NNMT: variants seen among roughly 807,000 people sequenced by gnomAD.
NNMT encodes nicotinamide N-methyltransferase.
In NNMT, 10 loss-of-function variants were observed where a neutral mutation model predicts 11.7. The ratio of observed to expected loss-of-function variants is 0.85; its 90% CI spans 0.53 to 1.45. The LOEUF (loss-of-function observed/expected upper bound fraction) is 1.45, where lower values mean the gene tolerates loss of function less well. Ranked by LOEUF, NNMT falls within the 40% of genes most tolerant of loss-of-function variation. The pLI, the probability that NNMT is intolerant of heterozygous loss-of-function variation, is 0.00. For missense variants in NNMT, 381 were observed against 319.4 expected (o/e 1.19, Z -1.47); for synonymous variants, 143 against 133.8 (o/e 1.07, Z -0.48).
chr11:114,299,371 T>C (rs1357496608), intron 2 of NNMT, among the ~76,000 whole-genome samples: 3 of 152,238 alleles, frequency 2.0e-5, no homozygotes, highest in Non-Finnish European at 4.4e-5. Flanking sequence ...GATGGTCTTA[T>C]GATTTTCCTC....
chr11:114,302,768 AC>A (rs1179417270), intron 2 of NNMT, among the ~76,000 whole-genome samples: 8 of 151,970 alleles, frequency 5.3e-5, no homozygotes, highest in African/African-American at 7.3e-5. Flanking sequence ...TGAAATCCTA[AC>A]CCCCTTATGA....
intron 1 of NNMT, among the ~76,000 whole-genome samples, chr11:114,258,696 TGAG>T (rs1028705680): frequency 1.3e-5 from 2 of 152,316 alleles, no homozygotes. Context: ...CTCAGTACTC[TGAG>T]GATGGAATTC....
At chr11:114,305,338 C>T (rs1358996376) in intron 2 of NNMT, among the ~76,000 whole-genome samples, 3 of 104,244 alleles carry the variant, frequency 2.9e-5, no homozygotes, top group Non-Finnish European at 7.0e-5. Context: ...AGAGTGGCTC[C>T]TCCTTTTTTT....
At chr11:114,290,311 A>G (rs1195247352) in intron 2 of NNMT, among the ~76,000 whole-genome samples, 1 of 152,074 alleles carries the variant, frequency 6.6e-6, no homozygotes, top group Non-Finnish European at 1.5e-5. Context: ...TACGCTTTGT[A>G]TTTGTCCTTA....
chr11:114,296,752 T>C, intron 1 of NNMT, 42 bp downstream of exon 1: 12 of 1,602,006 alleles, frequency 7.5e-6, no homozygotes, highest in Non-Finnish European at 1.0e-5. Flanking sequence ...ATGTGAGTCA[T>C]ATAGATGGAG....
chr11:114,312,414 C>T lies in NNMT; in HGVS notation c.732C>T (p.Ser244=), dbSNP rs779939045. The change falls in exon 3 of 3, where the codon TCC becomes TCT. Residue 244 remains serine, a synonymous_variant. Coordinates refer to ENST00000299964, the MANE Select transcript of NNMT (RefSeq NM_006169.3). ...AGGTGATCTCGCAAAGTTATTCTTCCACCATGGCCAACAACGAAGGACTTT... is the reference window on the plus strand; with the variant it reads ...AGGTGATCTCGCAAAGTTATTCTTCTACCATGGCCAACAACGAAGGACTTT... ...WFEVISQSYS[S]TMANNEGLFS... The T allele has an allele frequency of 2.5e-6, 4 of 1,614,104 alleles. No homozygotes were observed. The highest frequency in any genetic ancestry group is 2.2e-5 in the South Asian group (2 of 91,082).
rs200433127 is a variant in NNMT, at chr11:114,312,189, C to T, written c.507C>T (p.Ala169=). The change falls in exon 3 of 3, where the codon GCC becomes GCT. Residue 169 remains alanine, a synonymous_variant. Coordinates refer to ENST00000299964, the MANE Select transcript of NNMT (RefSeq NM_006169.3). ...TCAGCACACTGTGTCTGGATGCCGC[C>T]TGCCCAGACCTCCCCACCTACTGCA... ...CVLSTLCLDA[A]CPDLPTYCRA... 3.1e-4 allele frequency: 499 copies of T among 1,614,236 alleles called. No homozygotes were observed. Among genetic ancestry groups the T allele is most frequent in the Non-Finnish European group, 3.6e-4 (425 of 1,180,032 alleles).
At position 114,312,054 on chromosome 11, in the gene NNMT, T is replaced by C. The variant is rs1351513215; in HGVS notation, c.372T>C (p.Gly124=). 3.2e-6 allele frequency: 5 copies of C among 1,572,470 alleles called. No homozygotes were observed. Among genetic ancestry groups the C allele is most frequent in the Non-Finnish European group, 4.3e-6 (5 of 1,155,174 alleles). Residue 124 remains glycine (G), a synonymous_variant, in exon 3 of 3, where the codon GGT becomes GGC. Coordinates refer to ENST00000299964, the MANE Select transcript of NNMT (RefSeq NM_006169.3). Reference sequence around the variant, plus strand: ...GGTTTGTGTTTTTCAGAGTCAAGGGTCCAGAGAAGGAGGAGAAGTTGAGAC... The same window carrying C: ...GGTTTGTGTTTTTCAGAGTCAAGGGCCCAGAGAAGGAGGAGAAGTTGAGAC... The part of the protein sequence containing the change: ...VCDLEGNRVK[G]PEKEEKLRQA...
chr11:114,286,558 T>C (rs549728364), intron 2 of NNMT, among the ~76,000 whole-genome samples: 1 of 152,338 alleles, frequency 6.6e-6, no homozygotes, highest in South Asian at 2.1e-4. Context: ...ACTTTATAGA[T>C]TGAATAAAAA....
chr11:114,259,629 C>T (rs1412048904), intron 1 of NNMT, among the ~76,000 whole-genome samples: 2 of 152,188 alleles, frequency 1.3e-5, no homozygotes, highest in African/African-American at 2.4e-5. Flanking sequence ...CACTTCCACT[C>T]GTGGGCTGGC....
intron 1 of NNMT, among the ~76,000 whole-genome samples, chr11:114,258,065 C>T (rs1028635975): frequency 8.5e-4 from 130 of 152,322 alleles, no homozygotes; most frequent in Non-Finnish European, 1.3e-3. Flanking sequence ...GGCCCCACTG[C>T]CGCCCCCTGC....
chr11:114,293,585 G>A (rs757056906), upstream of NNMT, among the ~76,000 whole-genome samples: 3 of 144,646 alleles, frequency 2.1e-5, no homozygotes, highest in Non-Finnish European at 4.5e-5. Context: ...TCTCAACTAC[G>A]AGATATGATC....
intron 2 of NNMT, among the ~76,000 whole-genome samples, chr11:114,307,505 C>T (rs773665598): frequency 5.9e-5 from 9 of 152,184 alleles, no homozygotes; most frequent in Non-Finnish European, 1.3e-4. Flanking sequence ...CACTTCCACT[C>T]TTGCCCCTCC....
chr11:114,268,368 C>G lies in NNMT; in HGVS notation c.-130+5434C>G, dbSNP rs138883899. 2.6e-3 allele frequency among the ~76,000 whole-genome samples: 391 copies of G among 152,284 alleles called. 2 individuals are homozygous for G. The highest frequency in any genetic ancestry group is 8.8e-3 in the African/African-American group (364 of 41,582). ...CTCCCACTTGTTCACAGAGTTCCCT[C>G]TTTATCTTGCATCCTCTGGAGCTTG... On this transcript the variant is annotated intron_variant, in intron 2 of 4. Transcript: ENST00000535401.
At chr11:114,272,516 C>T (rs1945177520) in intron 2 of NNMT, among the ~76,000 whole-genome samples, 1 of 152,168 alleles carries the variant, frequency 6.6e-6, no homozygotes, top group Non-Finnish European at 1.5e-5. Context: ...ATTTTAGTTC[C>T]ACTTGATACA....
chr11:114,272,799 G>C (rs900878822), intron 2 of NNMT, among the ~76,000 whole-genome samples: 51 of 152,184 alleles, frequency 3.4e-4, no homozygotes, highest in Non-Finnish European at 7.1e-4. Context: ...CAAATAACGG[G>C]TATCTTTTCA....
At chr11:114,294,469 C>T (rs1300987971), upstream of NNMT, among the ~76,000 whole-genome samples, 1 of 89,044 alleles carries the variant, frequency 1.1e-5, no homozygotes, top group African/African-American at 4.5e-5. Flanking sequence ...CAGAGTGAGA[C>T]TCCACATCAA....
chr11:114,259,750 G>A (rs1055995339), intron 1 of NNMT, among the ~76,000 whole-genome samples: 2 of 152,162 alleles, frequency 1.3e-5, no homozygotes, highest in Admixed American at 6.5e-5. Context: ...CCCCTGCAGC[G>A]CTAATTACCC....
In NNMT at chr11:114,290,124, A is replaced by G. The variant is rs139388731; in HGVS notation, c.-129-6304A>G. On this transcript the variant is annotated intron_variant, in intron 2 of 4. Coordinates refer to the NNMT transcript ENST00000535401. ...TAATACTGCTATGTTGAGCGTTAGG[A>G]TTTTAACATATGAATTTGATGGGGA... Among the ~76,000 whole-genome samples, 306 of 152,284 alleles carry G rather than the reference A, an allele frequency of 2.0e-3. 2 individuals are homozygous for G. The highest frequency in any genetic ancestry group is 7.1e-3 in the African/African-American group (296 of 41,558).
Sources: gnomAD v4.1 joint callset for allele counts (sites outside exome capture counted in the v4.1 genomes callset) on GRCh38, gnomAD v4.1.1 for gene constraint, MANE v1.5 for transcripts, NCBI Gene and HGNC (gene_info 2026-07-23, HGNC 2026-07-21) for gene names.